SLC24A2: variants seen among roughly 807,000 people sequenced by gnomAD.
SLC24A2 encodes sodium/potassium/calcium exchanger 2.
Under a neutral mutation model 62.0 loss-of-function variants are expected in SLC24A2, and 36 were observed. The ratio of observed to expected loss-of-function variants is 0.58; its 90% CI spans 0.44 to 0.77. The LOEUF (loss-of-function observed/expected upper bound fraction) is 0.77, where lower values mean the gene tolerates loss of function less well. Among genes scored for constraint, SLC24A2 ranks in the 30% least tolerant of loss-of-function variants. The pLI is 0.00. For missense variants in SLC24A2, 846 were observed against 817.9 expected, an observed-to-expected ratio of 1.03 and a Z score of -0.42; for synonymous variants, 358 against 294.0, an observed-to-expected ratio of 1.22 and a Z score of -2.23.
chr9:19,547,349 C>T (rs1199290952), intron 8 of SLC24A2, among the ~76,000 whole-genome samples: 1 of 152,194 alleles, frequency 6.6e-6, no homozygotes, highest in Non-Finnish European at 1.5e-5. Flanking sequence ...AGGGGGACTG[C>T]ACAGGGAGCA....
the SLC24A2 span, chr9:19,926,192 G>A: frequency 6.6e-6 from 1 of 152,328 alleles, no homozygotes; most frequent in African/African-American, 2.4e-5. Flanking sequence ...AGAGGACTGA[G>A]TTGAGGTTAT....
the SLC24A2 span, among the ~76,000 whole-genome samples, chr9:20,190,882 A>G: frequency 1.3e-5 from 2 of 152,206 alleles, no homozygotes; most frequent in Admixed American, 1.3e-4. Flanking sequence ...TGAAGATTAG[A>G]TAATGTTTAT....
chr9:20,018,994 A>G, the SLC24A2 span, among the ~76,000 whole-genome samples: 2 of 151,540 alleles, frequency 1.3e-5, no homozygotes, highest in African/African-American at 4.9e-5. Context: ...AGCCCCAGAG[A>G]CAGAGGTTGA....
intron 8 of SLC24A2, among the ~76,000 whole-genome samples, chr9:19,536,011 T>A (rs554370342): frequency 2.0e-5 from 3 of 152,126 alleles, no homozygotes; most frequent in Non-Finnish European, 4.4e-5. Context: ...TCCTCTCTTA[T>A]TTCCTTGAGC....
At chr9:20,166,487 T>A in the SLC24A2 span, among the ~76,000 whole-genome samples, 1 of 151,968 alleles carries the variant, frequency 6.6e-6, no homozygotes, top group Non-Finnish European at 1.5e-5. Flanking sequence ...AGGGAGAAGA[T>A]CTCTGTAAAT....
the SLC24A2 span, among the ~76,000 whole-genome samples, chr9:19,890,384 A>G: frequency 1.3e-5 from 2 of 152,232 alleles, no homozygotes; most frequent in East Asian, 3.8e-4. Context: ...GAGGATGCCT[A>G]CCATATCCAA....
At chr9:19,717,487 T>G (rs957024571) in intron 2 of SLC24A2, among the ~76,000 whole-genome samples, 45 of 152,314 alleles carry the variant, frequency 3.0e-4, no homozygotes, top group African/African-American at 1.0e-3. Flanking sequence ...ATAAAATGCA[T>G]TTATCAATAA....
chr9:19,794,000 C>A (rs940633848), upstream of SLC24A2, among the ~76,000 whole-genome samples: 41 of 152,166 alleles, frequency 2.7e-4, no homozygotes, highest in South Asian at 4.1e-4. Context: ...GCATTTGGCT[C>A]ATTTTTTGTC....
At chr9:19,938,838 C>T in the SLC24A2 span, among the ~76,000 whole-genome samples, 4 of 152,180 alleles carry the variant, frequency 2.6e-5, no homozygotes, top group Admixed American at 6.5e-5. Flanking sequence ...TTGCTCCGCA[C>T]ATTTTACTTA....
At chr9:20,070,184 C>T in the SLC24A2 span, among the ~76,000 whole-genome samples, 5 of 152,166 alleles carry the variant, frequency 3.3e-5, no homozygotes, top group Non-Finnish European at 7.3e-5. Flanking sequence ...CCTCTTGGCT[C>T]TAAATCTGCC....
the SLC24A2 span, among the ~76,000 whole-genome samples, chr9:19,942,064 G>T: frequency 2.0e-5 from 3 of 152,032 alleles, no homozygotes; most frequent in Non-Finnish European, 4.4e-5. Flanking sequence ...ACTTTGGTTG[G>T]CATTTTGCAA....
At chr9:19,734,559 C>T (rs78861831) in intron 2 of SLC24A2, among the ~76,000 whole-genome samples, 3 of 152,268 alleles carry the variant, frequency 2.0e-5, no homozygotes, top group Non-Finnish European at 2.9e-5. Context: ...TCTTTTACTT[C>T]GTTGAGCAGT....
intron 2 of SLC24A2, among the ~76,000 whole-genome samples, chr9:19,718,529 T>C (rs1249799103): frequency 6.7e-6 from 1 of 149,382 alleles, no homozygotes; most frequent in Admixed American, 6.7e-5. Context: ...CAGGCTGGTC[T>C]CGAAATCCTG....
chr9:19,873,345 CCTTT>C, the SLC24A2 span, among the ~76,000 whole-genome samples: 86 of 143,378 alleles, frequency 6.0e-4, 1 homozygote, highest in African/African-American at 2.1e-3. Flanking sequence ...CTTTTCTTTT[CCTTT>C]CTTTCCTTCC....
At chr9:20,078,613 T>C in the SLC24A2 span, among the ~76,000 whole-genome samples, 2 of 152,142 alleles carry the variant, frequency 1.3e-5, no homozygotes, top group Non-Finnish European at 2.9e-5. Flanking sequence ...AGAAGCTGCT[T>C]CCAGAACCAT....
the SLC24A2 span, among the ~76,000 whole-genome samples, chr9:19,803,967 G>A: frequency 1.4e-4 from 22 of 152,076 alleles, no homozygotes; most frequent in Non-Finnish European, 2.9e-4. Context: ...CCTTTAGTGA[G>A]GAAGAAATTT....
the SLC24A2 span, among the ~76,000 whole-genome samples, chr9:20,117,782 T>G: frequency 6.6e-6 from 1 of 152,162 alleles, no homozygotes; most frequent in African/African-American, 2.4e-5. Context: ...GGGCTTATTA[T>G]GTGTCAAAAC....
chr9:19,835,364 T>C, the SLC24A2 span, among the ~76,000 whole-genome samples: 3 of 151,300 alleles, frequency 2.0e-5, no homozygotes, highest in African/African-American at 7.3e-5. Flanking sequence ...AGGCTCAAAA[T>C]AAAGGGATGG....
rs551273563 is a variant in SLC24A2, at chr9:19,554,701, C to T, written c.1348-4433G>A. On this transcript the variant is annotated intron_variant, in intron 7 of 10. Coordinates refer to ENST00000341998, the MANE Select transcript of SLC24A2 (RefSeq NM_020344.4). ...TCTATCTTTAAAGGGTGCGGATGCA[C>T]CCTTCCTCCTTCCTTCCTCTTTCTT... Among the ~76,000 whole-genome samples the T allele has an allele frequency of 2.1e-4, 32 of 152,292 alleles. No homozygotes were observed. The South Asian group carries it at 6.6e-3, about 32-fold the overall frequency.
Sources: allele counts gnomAD v4.1 joint callset (sites outside exome capture counted in the v4.1 genomes callset), GRCh38; gene constraint gnomAD v4.1.1; transcripts MANE v1.5; gene names NCBI Gene and HGNC (gene_info 2026-07-23, HGNC 2026-07-21).